ADGB: variants seen among roughly 807,000 people sequenced by gnomAD.
The protein encoded by ADGB is calpain-7-like protein.
Under a neutral mutation model 210.5 loss-of-function variants are expected in ADGB, and 172 were observed. The ratio of observed to expected loss-of-function variants is 0.82; its 90% confidence interval spans 0.72 to 0.93. ADGB has a LOEUF of 0.93. Ranked by LOEUF, ADGB falls within the 40% of genes least tolerant of loss-of-function variation. The probability of loss-of-function intolerance (pLI) is 0.00; values close to 1 mark genes in which losing one functional copy is unlikely to be tolerated. For missense variants in ADGB, 2,025 were observed against 1,964.8 expected (o/e 1.03, Z -0.58); for synonymous variants, 658 against 662.7 (o/e 0.99, Z 0.11).
At chr6:146,758,570 A>G (rs930509993) in intron 27 of ADGB, among the ~76,000 whole-genome samples, 1 of 152,066 alleles carries the variant, frequency 6.6e-6, no homozygotes, top group African/African-American at 2.4e-5. Context: ...CAAGAAAGAT[A>G]CAGAAAAATT....
At chr6:146,665,413 A>C (rs1160126818) in intron 6 of ADGB, among the ~76,000 whole-genome samples, 2 of 152,074 alleles carry the variant, frequency 1.3e-5, no homozygotes, top group African/African-American at 4.8e-5. Flanking sequence ...AATGATTTTC[A>C]TAAAAACTCA....
At chr6:146,777,518 T>A (rs1164441636) in intron 29 of ADGB, among the ~76,000 whole-genome samples, 1 of 152,306 alleles carries the variant, frequency 6.6e-6, no homozygotes, top group East Asian at 1.9e-4. Flanking sequence ...TTGGATCAGC[T>A]GCCTTAGCAC....
intron 3 of ADGB, among the ~76,000 whole-genome samples, chr6:146,651,529 G>A (rs1325580026): frequency 2.0e-5 from 3 of 152,188 alleles, no homozygotes; most frequent in African/African-American, 7.2e-5. Flanking sequence ...AAACTTGGTA[G>A]GCGAAACATG....
At chr6:146,721,044 T>C (rs1471675220) in intron 16 of ADGB, among the ~76,000 whole-genome samples, 1 of 152,202 alleles carries the variant, frequency 6.6e-6, no homozygotes, top group Admixed American at 6.5e-5. Flanking sequence ...TCTATGGCCT[T>C]CCTGCCCATC....
intron 2 of ADGB, among the ~76,000 whole-genome samples, chr6:146,637,271 G>T (rs1370469077): frequency 6.6e-6 from 1 of 151,984 alleles, no homozygotes; most frequent in African/African-American, 2.4e-5. Context: ...CCTGGGACCT[G>T]TGTCAGTTTC....
chr6:146,685,203 G>C (rs527720658), intron 9 of ADGB, among the ~76,000 whole-genome samples: 267 of 151,976 alleles, frequency 1.8e-3, no homozygotes, highest in African/African-American at 6.1e-3. Flanking sequence ...AATAAGCAAC[G>C]CTTAAAAGCA....
intron 12 of ADGB, among the ~76,000 whole-genome samples, chr6:146,699,001 T>C (rs952531021): frequency 2.0e-5 from 3 of 151,942 alleles, no homozygotes; most frequent in African/African-American, 7.2e-5. Flanking sequence ...ACACACAGAG[T>C]TTTTCTAAAC....
intron 25 of ADGB, among the ~76,000 whole-genome samples, chr6:146,743,692 T>C (rs1777189459): frequency 6.6e-6 from 1 of 152,036 alleles, no homozygotes; most frequent in Non-Finnish European, 1.5e-5. Flanking sequence ...GGTGGGTGGG[T>C]CATCTGAGGT....
intron 12 of ADGB, 32 bp from the exon 13 acceptor site, chr6:146,700,909 A>T (rs1776480177): frequency 1.3e-6 from 2 of 1,533,592 alleles, no homozygotes; most frequent in Admixed American, 2.2e-5. Flanking sequence ...AGATCAAAAT[A>T]ACAGAAGTTT....
chr6:146,736,433 T>C (rs1163120798), intron 22 of ADGB, 65 bp from the exon 23 acceptor site: 3 of 1,061,690 alleles, frequency 2.8e-6, no homozygotes, highest in Middle Eastern at 3.1e-4. Flanking sequence ...AATGAAGGCT[T>C]TGGACAAGAT....
At chr6:146,764,911 T>G (rs576997594) in intron 28 of ADGB, among the ~76,000 whole-genome samples, 1 of 152,230 alleles carries the variant, frequency 6.6e-6, no homozygotes, top group South Asian at 2.1e-4. Context: ...GCGATTCTCC[T>G]GCCTCAGCCT....
intron 12 of ADGB, among the ~76,000 whole-genome samples, chr6:146,696,763 T>C (rs1437194528): frequency 1.3e-5 from 2 of 152,218 alleles, no homozygotes; most frequent in East Asian, 3.9e-4. Flanking sequence ...GGTGAGAGAT[T>C]AAAGGTGGTG....
intron 6 of ADGB, among the ~76,000 whole-genome samples, chr6:146,666,432 A>T (rs968220661): frequency 1.3e-5 from 2 of 152,066 alleles, no homozygotes; most frequent in African/African-American, 2.4e-5. Flanking sequence ...CTTCAAAGAC[A>T]TCTTAAAATA....
chr6:146,664,469 G>A (rs925117853), intron 6 of ADGB, 129 bp downstream of exon 6: 8 of 946,402 alleles, frequency 8.5e-6, no homozygotes, highest in Non-Finnish European at 1.2e-5. Context: ...ACAATGTAAT[G>A]CTCTAGTATA....
intron 5 of ADGB, among the ~76,000 whole-genome samples, chr6:146,659,358 A>T (rs573739608): frequency 6.6e-6 from 1 of 152,264 alleles, no homozygotes; most frequent in South Asian, 2.1e-4. Context: ...CCCGTTTCCC[A>T]TCTTATGAGA....
chr6:146,759,030 G>A (rs1287633266), intron 27 of ADGB, among the ~76,000 whole-genome samples: 11 of 151,782 alleles, frequency 7.2e-5, no homozygotes, highest in Admixed American at 2.6e-4. Context: ...ACACTTTTCC[G>A]TGGCTTCTCT....
At chr6:146,686,238 C>T (rs1776231509) in intron 10 of ADGB, among the ~76,000 whole-genome samples, 1 of 151,928 alleles carries the variant, frequency 6.6e-6, no homozygotes. Context: ...TGAATTCACC[C>T]TCAGGCTGGA....
At chr6:146,668,195 A>T (rs1775962628) in intron 7 of ADGB, among the ~76,000 whole-genome samples, 1 of 152,100 alleles carries the variant, frequency 6.6e-6, no homozygotes. Flanking sequence ...ATAACAATAG[A>T]TTTGAATATA....
In ADGB at chr6:146,745,992, G is replaced by A. The variant is rs373227451; in HGVS notation, c.3248G>A (p.Arg1083His). 57 of 1,551,238 alleles carry A rather than the reference G, an allele frequency of 3.7e-5. No homozygotes were observed. The highest frequency in any genetic ancestry group is 2.9e-4 in the East Asian group (12 of 40,894). ...GTAGCAGCCTCACGATGGAAACTGCGTCTCATCGGTTCTTCTGCTCCACTG... is the reference window on the plus strand; with the variant it reads ...GTAGCAGCCTCACGATGGAAACTGCATCTCATCGGTTCTTCTGCTCCACTG... ...TYVAASRWKL[R>H]LIGSSAPLPC... Residue 1083 changes from arginine (R) to histidine (H), a missense_variant, in exon 26 of 36, where the codon CGT (arginine) becomes CAT (histidine). Physicochemically the swap from Arg to His is conservative, Grantham distance 29. Coordinates refer to ENST00000397944, the MANE Select transcript of ADGB (RefSeq NM_024694.4).
Sources: gnomAD v4.1 joint callset for allele counts (sites outside exome capture counted in the v4.1 genomes callset) on GRCh38, gnomAD v4.1.1 for gene constraint, MANE v1.5 for transcripts, NCBI Gene and HGNC (gene_info 2026-07-23, HGNC 2026-07-21) for gene names.